DMPK: variants seen among roughly 807,000 people sequenced by gnomAD.
DMPK encodes myotonin-protein kinase.
Under a neutral mutation model 70.3 loss-of-function variants are expected in DMPK, and 32 were observed. The observed-to-expected ratio is 0.46, with a 90% confidence interval of 0.34 to 0.61. DMPK has a LOEUF of 0.61. DMPK is among the 20% of genes least tolerant of loss of function. The pLI is 0.01. For missense variants in DMPK, 899 were observed against 886.0 expected (o/e 1.01, Z -0.19); for synonymous variants, 469 against 390.9 (o/e 1.20, Z -2.36).
rs1970174268 is a variant in DMPK at position 45,782,357 on chromosome 19, G to C, written c.-5C>G. ...CAGCCGCACCTCGGCTGACATGTTG[G>C]ACAGGCAGCACCATGGCCCCTCCCC... On this transcript the variant is annotated 5_prime_UTR_variant, in exon 1 of 15. Coordinates refer to ENST00000291270, the MANE Select transcript of DMPK (RefSeq NM_004409.5). The C allele has an allele frequency of 2.6e-6, 4 of 1,566,682 alleles. No individual in the cohort carries two copies. The highest frequency in any genetic ancestry group is 1.7e-6 in the Non-Finnish European group (2 of 1,157,068).
chr19:45,781,821 T>C (rs1329796960), intron 1 of DMPK, among the ~76,000 whole-genome samples: 1 of 152,092 alleles, frequency 6.6e-6, no homozygotes, highest in Non-Finnish European at 1.5e-5. Context: ...GAGAGGGCCA[T>C]AGAGCCCACT....
chr19:45,779,957 C>T, intron 1 of DMPK, 88 bp from the exon 2 acceptor site: 2 of 1,595,328 alleles, frequency 1.3e-6, no homozygotes, highest in South Asian at 1.1e-5. Flanking sequence ...GTCTGTCTCC[C>T]CTTCTCTCTG....
At position 45,782,242 on chromosome 19, in the gene DMPK, G is replaced by A. The variant is rs751068497; in HGVS notation, c.111C>T (p.Gly37=). ...DLLLGVHQEL[G]ASELAQDKYV... ...ACTTGTCCTGGGCCAGTTCGGAGGC[G>A]CCCAGCTCCTGGTGGACGCCCAGGA... is the stretch of plus-strand genomic sequence containing the variant. Residue 37 remains glycine, a synonymous_variant, in exon 1 of 15, where the codon GGC becomes GGT. Coordinates refer to ENST00000291270, the MANE Select transcript of DMPK (RefSeq NM_004409.5). 3.1e-5 allele frequency: 50 copies of A among 1,609,814 alleles called. No individual in the cohort carries two copies. The East Asian group carries it at 8.3e-4, about 27-fold the overall frequency.
Position 45,782,420 on chromosome 19 carries a change from G to A in DMPK, c.-68C>T, listed in dbSNP as rs897927186. The A allele has an allele frequency of 2.1e-6, 3 of 1,454,074 alleles. No individual in the cohort carries two copies. Among genetic ancestry groups the A allele is most frequent in the South Asian group, 1.4e-5 (1 of 72,748 alleles). The allele number at this position is 1,454,074 out of a possible 1,614,324, so 90.1% of individuals were successfully genotyped here. ...CGGGGTCCTCCTGTCACAGGGCCTG[G>A]CAGCCCCTGTCCAGGCCCTGGAGCC... On this transcript the variant is annotated 5_prime_UTR_variant, in exon 1 of 15. Transcript: ENST00000291270.
chr19:45,773,955 CTTTTTTT>C (rs1015477582), intron 9 of DMPK, among the ~76,000 whole-genome samples: 3 of 135,686 alleles, frequency 2.2e-5, no homozygotes, highest in Non-Finnish European at 4.8e-5. Context: ...TAAATTAGTA[CTTTTTTT>C]TTTTTTTTTT....
In DMPK at chr19:45,778,567, G is replaced by T; in HGVS notation, c.507C>A (p.Ala169=). ...CCGCCAGGTAGAAGCGCGCCATCTC[G>T]GCCGGAATCCGCTCCCCAAACTTGC... ...LLSKFGERIP[A]EMARFYLAEI... The change falls in exon 5 of 15, where the codon GCC becomes GCA. Residue 169 remains alanine, a synonymous_variant. Coordinates refer to ENST00000291270, the MANE Select transcript of DMPK (RefSeq NM_004409.5). The T allele has an allele frequency of 3.1e-6, 5 of 1,613,952 alleles. No individual in the cohort carries two copies. Among genetic ancestry groups the T allele is most frequent in the Non-Finnish European group, 2.5e-6 (3 of 1,179,994 alleles).
Position 45,775,020 on chromosome 19 carries a change from G to C in DMPK, c.1161C>G (p.Asp387Glu), listed in dbSNP as rs1226777135. 3.7e-6 allele frequency: 6 copies of C among 1,613,790 alleles called. No homozygotes were observed. Among genetic ancestry groups the C allele is most frequent in the Non-Finnish European group, 5.1e-6 (6 of 1,179,910 alleles). Residue 387 changes from aspartate (D) to glutamate (E), a missense_variant, in exon 9 of 15, where the codon GAC (aspartate) becomes GAG (glutamate). By Grantham distance (45) the Asp-to-Glu change is conservative (BLOSUM62 2). Around this residue, in one of 3 missense-constraint regions of DMPK, gnomAD observed 555 missense variants for 483.8 expected, o/e 1.15. Coordinates refer to ENST00000291270, the MANE Select transcript of DMPK (RefSeq NM_004409.5). ...MVSGGGETLS[D>E]IREGAPLGVH... ...CCCCTAGCGGCGCACCTTCCCGAATGTCCGACAGTGTCTCCTGCGCAAGAC... is the reference window on the plus strand; with the variant it reads ...CCCCTAGCGGCGCACCTTCCCGAATCTCCGACAGTGTCTCCTGCGCAAGAC...
At chr19:45,782,061 G>T in intron 1 of DMPK, 132 bp downstream of exon 1, 1 of 839,070 alleles carries the variant, frequency 1.2e-6, no homozygotes, top group African/African-American at 1.7e-5. Flanking sequence ...CACACTCTGA[G>T]CCCCAGGATG....
At chr19:45,771,952 G>A (rs770443048) in intron 10 of DMPK, 24 bp from the exon 11 acceptor site, 9 of 1,540,106 alleles carry the variant, frequency 5.8e-6, no homozygotes, top group East Asian at 4.8e-5. Context: ...CCAGGCTTAA[G>A]GCTGCCTGTG....
chr19:45,772,404 A>C (rs1019978642), intron 10 of DMPK: 3 of 419,258 alleles, frequency 7.2e-6, no homozygotes, highest in Non-Finnish European at 1.3e-5. Flanking sequence ...CTCCTTCACC[A>C]GCGCTCAGCT....
At chr19:45,782,158 C>T (rs753621189) in intron 1 of DMPK, 35 bp downstream of exon 1, 1 of 1,327,870 alleles carries the variant, frequency 7.5e-7, no homozygotes, top group East Asian at 2.7e-5. Context: ...CCCACCCCCA[C>T]CCCATCTGCA....
chr19:45,774,817 C>T (rs1600428185), intron 9 of DMPK, 132 bp downstream of exon 9: 1 of 659,368 alleles, frequency 1.5e-6, no homozygotes, highest in Non-Finnish European at 2.6e-6. Flanking sequence ...ACTCTGGCCT[C>T]TTAGGAGTCT....
chr19:45,771,091 G>A, intron 13 of DMPK, 31 bp from the exon 14 acceptor site: 2 of 1,498,562 alleles, frequency 1.3e-6, no homozygotes, highest in African/African-American at 1.4e-5. Context: ...TGACCCGATC[G>A]GAGCCCAGCC....
At position 45,771,939 on chromosome 19, in the gene DMPK, G is replaced by A. The variant is rs541123797; in HGVS notation, c.1345-11C>T. On this transcript the variant is annotated splice_polypyrimidine_tract_variant and intron_variant, in intron 10 of 14. Coordinates refer to ENST00000291270, the MANE Select transcript of DMPK (RefSeq NM_004409.5). ...AACTGCCACTTCAGCCTGTGTATGG[G>A]GACCAGGCTTAAGGCTGCCTGTGGC... The A allele has an allele frequency of 1.3e-5, 20 of 1,581,784 alleles. No homozygotes were observed. The African/African-American group carries it at 1.9e-4, about 15-fold the overall frequency.
chr19:45,778,745 G>T, intron 4 of DMPK, 104 bp from the exon 5 acceptor site: 1 of 1,241,802 alleles, frequency 8.1e-7, no homozygotes, highest in Non-Finnish European at 1.1e-6. Context: ...CTTGGGCAGA[G>T]ACCTGCAGCC....
chr19:45,771,913 G>A lies in DMPK; in HGVS notation c.1360C>T (p.Pro454Ser). The change falls in exon 11 of 15, where the codon CCA becomes TCA. Residue 454 changes from proline to serine, a missense_variant. Pro to Ser is a moderately conservative substitution (Grantham distance 74). This residue lies in a region of DMPK where 555 missense variants were observed against 483.8 expected (regional missense o/e 1.15). Transcript: ENST00000291270. ...GCCTCTGCCGCAGGGACAGCCGCTG[G>A]AACTGCCACTTCAGCCTGTGTATGG... ...PQDETAEVAV[P>S]AAVPAAEAEA... 1 of 1,595,996 alleles carries A rather than the reference G, an allele frequency of 6.3e-7. No homozygotes were observed. The highest frequency in any genetic ancestry group is 8.5e-7 in the Non-Finnish European group (1 of 1,171,272).
At position 45,771,867 on chromosome 19, in the gene DMPK, C is replaced by G. The variant is rs762450145; in HGVS notation, c.1406G>C (p.Arg469Pro). The G allele has an allele frequency of 7.6e-6, 12 of 1,585,706 alleles. No homozygotes were observed. Among genetic ancestry groups the G allele is most frequent in the Middle Eastern group, 1.7e-4 (1 of 6,034 alleles). ...AAEAEAEVTLRELQEALEEEV... is the reference protein window; with the variant it reads ...AAEAEAEVTLPELQEALEEEV... ...CTCCTCCAGGGCTTCCTGGAGCTCC[C>G]GCAGCGTCACCTCGGCCTCAGCCTC... is the stretch of plus-strand genomic sequence containing the variant. Residue 469 changes from arginine (R) to proline (P), a missense_variant, in exon 11 of 15, where the codon CGG becomes CCG. By Grantham distance (103) the Arg-to-Pro change is moderately radical. This residue lies in a region of DMPK where 555 missense variants were observed against 483.8 expected (regional missense o/e 1.15). Coordinates refer to ENST00000291270, the MANE Select transcript of DMPK (RefSeq NM_004409.5).
Position 45,770,955 on chromosome 19 carries a change from G to C in DMPK, c.1737+16C>G, listed in dbSNP as rs567174677. 2 of 1,416,162 alleles carry C rather than the reference G, an allele frequency of 1.4e-6. No homozygotes were observed. Among genetic ancestry groups the C allele is most frequent in the Admixed American group, 3.1e-5 (1 of 31,790 alleles). The allele number at this position is 1,416,162 out of a possible 1,614,324, so 87.7% of individuals were successfully genotyped here. A position where few individuals can be genotyped will look rare whatever the true frequency, so the allele number is the denominator to read the frequency against. ...GGGGCGCGACGGCGGAGGGGGGCGT[G>C]GGCAGCCGGACGTACCCTGGCAGGG... On this transcript the variant is annotated intron_variant, in intron 14 of 14. Transcript: ENST00000291270.
chr19:45,770,413 G>A lies in DMPK; in HGVS notation c.*75C>T. ...GAGCGGTTGTGAACTGGCAGGCGGT[G>A]GGCGCGGCTTCTGTGCCGTGCCCCG... On this transcript the variant is annotated 3_prime_UTR_variant, in exon 15 of 15. Coordinates refer to ENST00000291270, the MANE Select transcript of DMPK (RefSeq NM_004409.5). 3 of 1,515,736 alleles carry A rather than the reference G, an allele frequency of 2.0e-6. No individual in the cohort carries two copies. The highest frequency in any genetic ancestry group is 2.7e-6 in the Non-Finnish European group (3 of 1,117,524). 93.9% of individuals were successfully genotyped at this position (1,515,736 alleles called of 1,614,324 possible).
Sources: allele counts gnomAD v4.1 joint callset (sites outside exome capture counted in the v4.1 genomes callset), GRCh38; gene constraint gnomAD v4.1.1; regional missense constraint gnomAD v4.1.1; transcripts MANE v1.5; gene names NCBI Gene and HGNC (gene_info 2026-07-23, HGNC 2026-07-21).